Variants in XRN1 observed in about 807,000 individuals in gnomAD.
XRN1 encodes 5'-3' exoribonuclease 1.
A neutral mutation model predicts 222.3 loss-of-function variants in XRN1; 67 were observed. The ratio of observed to expected loss-of-function variants is 0.30; its 90% CI spans 0.25 to 0.37. XRN1 has a LOEUF of 0.37. Ranked by LOEUF, XRN1 falls within the 10% of genes least tolerant of loss-of-function variation. The pLI, the probability that XRN1 is intolerant of heterozygous loss-of-function variation, is 1.00. For synonymous variants in XRN1, 643 were observed against 652.4 expected (o/e 0.99, Z 0.22); for missense variants, 1,707 against 2,000.2 (o/e 0.85, Z 2.80).
intron 15 of XRN1, among the ~76,000 whole-genome samples, chr3:142,406,680 C>A (rs77475216): frequency 1.3e-5 from 2 of 151,922 alleles, no homozygotes; most frequent in Non-Finnish European, 2.9e-5. Context: ...GTATACACCA[C>A]AACATCCAGT....
At chr3:142,411,832 T>C (rs1020739067) in intron 15 of XRN1, among the ~76,000 whole-genome samples, 11 of 151,046 alleles carry the variant, frequency 7.3e-5, no homozygotes, top group Non-Finnish European at 1.6e-4. Flanking sequence ...ATTTTTTTTT[T>C]TTTTTTTTTG....
chr3:142,323,781 A>T (rs1488857203), intron 37 of XRN1, among the ~76,000 whole-genome samples: 1 of 152,118 alleles, frequency 6.6e-6, no homozygotes, highest in African/African-American at 2.4e-5. Flanking sequence ...CTGGGCAACA[A>T]AATGACACCC....
At chr3:142,368,151 C>CAT (rs1276654613) in intron 27 of XRN1, among the ~76,000 whole-genome samples, 12 of 151,124 alleles carry the variant, frequency 7.9e-5, no homozygotes, top group South Asian at 2.1e-4. Context: ...AAATTTAACA[C>CAT]ATATATATAT....
intron 1 of XRN1, among the ~76,000 whole-genome samples, chr3:142,444,638 T>C (rs1284097637): frequency 6.6e-6 from 1 of 151,868 alleles, no homozygotes; most frequent in Non-Finnish European, 1.5e-5. Flanking sequence ...AAAGAATGAA[T>C]AAGACCTACT....
chr3:142,396,409 G>A (rs953822179), intron 20 of XRN1, among the ~76,000 whole-genome samples: 3 of 152,188 alleles, frequency 2.0e-5, no homozygotes, highest in African/African-American at 7.2e-5. Flanking sequence ...TAAAGAAAGA[G>A]TTATTAAATT....
In XRN1 at chr3:142,332,875, G is replaced by A; in HGVS notation, c.4062+92C>T. 4.7e-6 allele frequency: 7 copies of A among 1,498,908 alleles called. No individual in the cohort carries two copies. In the East Asian group the frequency reaches 1.6e-4, roughly 35 times the overall value. The allele number at this position is 1,498,908 out of a possible 1,614,324, so 92.9% of individuals were successfully genotyped here. On this transcript the variant is annotated intron_variant, in intron 35 of 40. Transcript: ENST00000392981. ...AATGATGTAACATACCAGCCTCCAT[G>A]ATGGAAGTGTTTGAACACTTGCATG... is the stretch of plus-strand genomic sequence containing the variant.
intron 1 of XRN1, among the ~76,000 whole-genome samples, chr3:142,433,835 C>T (rs557432854): frequency 2.6e-4 from 40 of 152,210 alleles, no homozygotes; most frequent in African/African-American, 8.7e-4. Flanking sequence ...TTTTACAACA[C>T]GTACAAGTAA....
At chr3:142,317,943 C>T (rs1243856064) in intron 39 of XRN1, among the ~76,000 whole-genome samples, 3 of 151,984 alleles carry the variant, frequency 2.0e-5, no homozygotes, top group Non-Finnish European at 2.9e-5. Context: ...TGTCTTCATC[C>T]TCACAGATTT....
chr3:142,370,732 A>C, intron 26 of XRN1, 112 bp from the exon 27 acceptor site: 1 of 859,646 alleles, frequency 1.2e-6, no homozygotes, highest in Non-Finnish European at 1.7e-6. Flanking sequence ...CTTAATCGGG[A>C]CTAATTCTAA....
chr3:142,340,214 G>A (rs2065955600), intron 33 of XRN1, among the ~76,000 whole-genome samples: 1 of 152,064 alleles, frequency 6.6e-6, no homozygotes, highest in African/African-American at 2.4e-5. Flanking sequence ...AATTAGCCGG[G>A]CTTGGTGGCA....
intron 2 of XRN1, among the ~76,000 whole-genome samples, chr3:142,431,921 TA>T (rs2069595285): frequency 1.1e-5 from 1 of 93,704 alleles, no homozygotes; most frequent in African/African-American, 4.5e-5. Flanking sequence ...TAAATATATA[TA>T]ATATAATATA....
intron 15 of XRN1, among the ~76,000 whole-genome samples, chr3:142,410,487 GTTTTTTTTTTTT>G (rs751870329): frequency 2.9e-5 from 2 of 68,076 alleles, no homozygotes; most frequent in African/African-American, 6.1e-5. Context: ...TCTATCTCAT[GTTTTTTTTTTTT>G]TTTTTTTTTT....
At chr3:142,317,873 C>A (rs2065250837) in intron 39 of XRN1, among the ~76,000 whole-genome samples, 1 of 152,118 alleles carries the variant, frequency 6.6e-6, no homozygotes, top group South Asian at 2.1e-4. Flanking sequence ...ATGGTTACTT[C>A]TGCAGTTGTT....
intron 33 of XRN1, among the ~76,000 whole-genome samples, chr3:142,337,170 T>C (rs1056551029): frequency 3.9e-5 from 6 of 152,212 alleles, no homozygotes; most frequent in Non-Finnish European, 7.3e-5. Context: ...CAGCTTTGCA[T>C]AGTTCATGCC....
At chr3:142,395,893 C>G (rs2067910949) in intron 20 of XRN1, among the ~76,000 whole-genome samples, 1 of 152,180 alleles carries the variant, frequency 6.6e-6, no homozygotes. Context: ...TCATGAAACA[C>G]TTCCTTTTCA....
At chr3:142,387,241 A>G (rs568105135) in intron 20 of XRN1, among the ~76,000 whole-genome samples, 1 of 152,358 alleles carries the variant, frequency 6.6e-6, no homozygotes, top group African/African-American at 2.4e-5. Flanking sequence ...GAATGAACTT[A>G]TACTGCATAA....
intron 16 of XRN1, 38 bp downstream of exon 16, chr3:142,404,869 C>A (rs557489773): frequency 2.5e-6 from 4 of 1,605,964 alleles, no homozygotes; most frequent in African/African-American, 2.7e-5. Flanking sequence ...GTGTTAGGAG[C>A]GCTCTTTTGT....
At chr3:142,430,788 T>A (rs2069486858) in intron 2 of XRN1, among the ~76,000 whole-genome samples, 1 of 152,168 alleles carries the variant, frequency 6.6e-6, no homozygotes, top group Admixed American at 6.5e-5. Flanking sequence ...AACCTTTACT[T>A]CTGTTACCCA....
chr3:142,377,139 A>C (rs2067168302), intron 23 of XRN1, among the ~76,000 whole-genome samples: 1 of 152,040 alleles, frequency 6.6e-6, no homozygotes, highest in Admixed American at 6.6e-5. Flanking sequence ...ACATACAAGC[A>C]TGTATAGACC....
Sources: gnomAD v4.1 joint callset for allele counts (sites outside exome capture counted in the v4.1 genomes callset) on GRCh38, gnomAD v4.1.1 for gene constraint, MANE v1.5 for transcripts, NCBI Gene and HGNC (gene_info 2026-07-23, HGNC 2026-07-21) for gene names.